The following RHOBTB2 variants were observed in gnomAD, a reference collection of about 807,000 sequenced individuals.
The protein encoded by RHOBTB2 is rho-related BTB domain-containing protein 2.
Under a neutral mutation model 66.5 loss-of-function variants are expected in RHOBTB2, and 39 were observed. The observed-to-expected ratio is 0.59, with a 90% CI of 0.45 to 0.77. The LOEUF is 0.77. Ranked by LOEUF, RHOBTB2 falls within the 30% of genes least tolerant of loss-of-function variation. The pLI is 0.00. For synonymous variants in RHOBTB2, 390 were observed against 395.0 expected (o/e 0.99, Z 0.15); for missense variants, 755 against 999.1 (o/e 0.76, Z 3.29).
intron 7 of RHOBTB2, among the ~76,000 whole-genome samples, 197 bp downstream of exon 7, chr8:23,010,885 T>C (rs983382034): frequency 8.5e-5 from 13 of 152,198 alleles, no homozygotes; most frequent in African/African-American, 3.1e-4. Flanking sequence ...CGGGGCATGT[T>C]TGATGGGGTC....
At chr8:22,959,185 G>A in the RHOBTB2 span, among the ~76,000 whole-genome samples, 1 of 152,152 alleles carries the variant, frequency 6.6e-6, no homozygotes, top group Non-Finnish European at 1.5e-5. Flanking sequence ...CACTACCCCA[G>A]CCACAGACCC....
At chr8:23,013,923 C>A (rs796546783) in intron 7 of RHOBTB2, among the ~76,000 whole-genome samples, 14 of 152,326 alleles carry the variant, frequency 9.2e-5, no homozygotes, top group African/African-American at 3.4e-4. Flanking sequence ...CAGAGTCTTA[C>A]GAGCTTCCTC....
Position 23,007,009 on chromosome 8 carries a change from G to A in RHOBTB2, c.764G>A (p.Cys255Tyr), listed in dbSNP as rs1264724097. Residue 255 changes from cysteine to tyrosine, a missense_variant, in exon 5 of 10, where the codon TGC becomes TAC. Cys to Tyr is a radical substitution (Grantham distance 194). Coordinates refer to ENST00000251822, the MANE Select transcript of RHOBTB2 (RefSeq NM_015178.3). ...GACCCTCCCTCCAGCAGCGAGGAGT[G>A]CCCCGCCCACCTCCTGGAGGACCCG... ...VPDPPSSSEE[C>Y]PAHLLEDPLC... is the part of the protein sequence containing the mutation. 3.1e-6 allele frequency: 5 copies of A among 1,608,716 alleles called. No homozygotes were observed.
chr8:22,961,411 G>GCTGC, the RHOBTB2 span, among the ~76,000 whole-genome samples: 6 of 152,018 alleles, frequency 3.9e-5, no homozygotes, highest in East Asian at 1.9e-4. Context: ...TTCTATAAAT[G>GCTGC]CTGCCTGCCT....
At chr8:23,001,650 C>T (rs1810786666) in intron 1 of RHOBTB2, among the ~76,000 whole-genome samples, 1 of 152,156 alleles carries the variant, frequency 6.6e-6, no homozygotes, top group East Asian at 1.9e-4. Flanking sequence ...ACAAATTAAC[C>T]ACGGTTCAGG....
At position 23,015,660 on chromosome 8, in the gene RHOBTB2, C is replaced by T. The variant is rs781693649; in HGVS notation, c.1883C>T (p.Ala628Val). 2 of 1,613,548 alleles carry T rather than the reference C, an allele frequency of 1.2e-6. No individual in the cohort carries two copies. The highest frequency in any genetic ancestry group is 1.1e-5 in the South Asian group (1 of 91,048). ...CAGTTCCACTGTGCGTACCAGCTGG[C>T]CGACTGGTGTCTCCACCACATCTGC... ...LAQFHCAYQL[A>V]DWCLHHICTN... The change falls in exon 9 of 10, where the codon GCC (alanine) becomes GTC (valine). Residue 628 changes from alanine to valine, a missense_variant. This residue lies in a region of RHOBTB2 where 353 missense variants were observed against 458.2 expected (regional missense o/e 0.77). Transcript: ENST00000251822.
chr8:23,007,093 T>C lies in RHOBTB2; in HGVS notation c.848T>C (p.Ile283Thr). 2 of 1,611,134 alleles carry C rather than the reference T, an allele frequency of 1.2e-6. No individual in the cohort carries two copies. The highest frequency in any genetic ancestry group is 1.7e-6 in the Non-Finnish European group (2 of 1,179,846). The change falls in exon 5 of 10, where the codon ATC becomes ACC. Residue 283 changes from isoleucine (I) to threonine (T), a missense_variant. By Grantham distance (89) the Ile-to-Thr change is moderately conservative (BLOSUM62 -1). Around this residue, in one of 7 missense-constraint regions of RHOBTB2, gnomAD observed 247 missense variants for 238.9 expected, o/e 1.03. Coordinates refer to ENST00000251822, the MANE Select transcript of RHOBTB2 (RefSeq NM_015178.3). ...QERVRIFAHKIYLSTSSSKFY... is the reference protein window; with the variant it reads ...QERVRIFAHKTYLSTSSSKFY... ...CGGGTGCGCATCTTTGCCCACAAGATCTACCTCTCCACCTCTTCCTCCAAG... is the reference window on the plus strand; with the variant it reads ...CGGGTGCGCATCTTTGCCCACAAGACCTACCTCTCCACCTCTTCCTCCAAG...
chr8:22,996,499 GTGTGTGT>G (rs1810562610), upstream of RHOBTB2, among the ~76,000 whole-genome samples: 2 of 692 alleles, frequency 2.9e-3, no homozygotes, highest in African/African-American at 8.9e-3. Context: ...GAGGGCTGGT[GTGTGTGT>G]GTGTGTGTGT....
chr8:23,006,967 C>T lies in RHOBTB2; in HGVS notation c.722C>T (p.Pro241Leu), dbSNP rs762088543. The change falls in exon 5 of 10, where the codon CCG becomes CTG. Residue 241 changes from proline (P) to leucine (L), a missense_variant. Around this residue, in one of 7 missense-constraint regions of RHOBTB2, gnomAD observed 247 missense variants for 238.9 expected, o/e 1.03. Coordinates refer to ENST00000251822, the MANE Select transcript of RHOBTB2 (RefSeq NM_015178.3). This position sits in a 1 kb window ranked among gnomAD's most constrained non-coding sequence, Gnocchi z 6.1. ...APFLPPKPPPPIIVVPDPPSS... is the reference protein window; with the variant it reads ...APFLPPKPPPLIIVVPDPPSS... ...TTCCTACCCCCCAAGCCACCGCCCC[C>T]GATCATCGTGGTGCCCGACCCTCCC... The T allele has an allele frequency of 2.5e-6, 4 of 1,611,518 alleles. No individual in the cohort carries two copies. The highest frequency in any genetic ancestry group is 4.5e-5 in the East Asian group (2 of 44,884).
At chr8:22,961,085 G>C in the RHOBTB2 span, among the ~76,000 whole-genome samples, 1 of 152,028 alleles carries the variant, frequency 6.6e-6, no homozygotes, top group South Asian at 2.1e-4. Context: ...GTTTTTTGTA[G>C]AGAAGGGTGT....
At chr8:22,960,580 A>G in the RHOBTB2 span, among the ~76,000 whole-genome samples, 1 of 152,098 alleles carries the variant, frequency 6.6e-6, no homozygotes. Flanking sequence ...CAGCCTCCCA[A>G]AGTGCTGGGA....
chr8:22,971,399 G>C, the RHOBTB2 span, among the ~76,000 whole-genome samples: 1 of 151,050 alleles, frequency 6.6e-6, no homozygotes, highest in African/African-American at 2.4e-5. Flanking sequence ...TGCCCAGGCT[G>C]GTCTCGAACT....
the RHOBTB2 span, among the ~76,000 whole-genome samples, chr8:22,956,808 G>A: frequency 1.3e-5 from 2 of 152,128 alleles, no homozygotes; most frequent in Non-Finnish European, 2.9e-5. Context: ...TTATAGGCAT[G>A]CACCACCATG....
At chr8:23,001,062 T>C (rs779292636) in intron 1 of RHOBTB2, among the ~76,000 whole-genome samples, 31 of 152,140 alleles carry the variant, frequency 2.0e-4, no homozygotes, top group Non-Finnish European at 1.6e-4. Flanking sequence ...CCTTGGGTTT[T>C]GGCTTGCACC....
At chr8:22,994,485 T>G (rs1184129393) in intron 2 of RHOBTB2, 6 of 858,542 alleles carry the variant, frequency 7.0e-6, no homozygotes, top group Non-Finnish European at 9.4e-6. Flanking sequence ...CTTGGAGTAA[T>G]TCGCGGTGTG....
the RHOBTB2 span, among the ~76,000 whole-genome samples, chr8:22,976,228 G>T: frequency 6.6e-6 from 1 of 152,146 alleles, no homozygotes; most frequent in African/African-American, 2.4e-5. Flanking sequence ...AAGGGTCAAA[G>T]CTGTAAAGTC....
chr8:22,996,553 G>GTGTGTGTGTC, upstream of RHOBTB2, among the ~76,000 whole-genome samples: 1 of 120,884 alleles, frequency 8.3e-6, no homozygotes, highest in Middle Eastern at 4.4e-3. Flanking sequence ...GTGTGTGTGT[G>GTGTGTGTGTC]TGTGTGTGTG....
Position 23,015,720 on chromosome 8 carries a change from G to A in RHOBTB2, c.1943G>A (p.Arg648Gln), listed in dbSNP as rs545270022. ...AACAACGTGTGCCGCAAGTTCCCCC[G>A]AGACATGAAGGCCATGTCCCCAGGT... Reference protein sequence around the residue: ...NYNNVCRKFPRDMKAMSPENQ... With the variant: ...NYNNVCRKFPQDMKAMSPENQ... Residue 648 changes from arginine (R) to glutamine (Q), a missense_variant, in exon 9 of 10, where the codon CGA (arginine) becomes CAA (glutamine). Arg to Gln is a conservative substitution (Grantham distance 43, BLOSUM62 1). Coordinates refer to ENST00000251822, the MANE Select transcript of RHOBTB2 (RefSeq NM_015178.3). 6.8e-6 allele frequency: 11 copies of A among 1,613,570 alleles called. No individual in the cohort carries two copies. The highest frequency in any genetic ancestry group is 2.2e-5 in the East Asian group (1 of 44,872).
chr8:23,010,654 C>G lies in RHOBTB2; in HGVS notation c.1737C>G (p.Asn579Lys), dbSNP rs750133948. The change falls in exon 7 of 10, where the codon AAC becomes AAG. Residue 579 changes from asparagine to lysine, a missense_variant. By Grantham distance (94) the Asn-to-Lys change is moderately conservative (BLOSUM62 0). Coordinates refer to ENST00000251822, the MANE Select transcript of RHOBTB2 (RefSeq NM_015178.3). ...ACATGAAGCTCATCATTCTAGCCAA[C>G]CGCCTCTGCCTGCCACACCTGGTTG... is the stretch of plus-strand genomic sequence containing the variant. ...LDDMKLIILA[N>K]RLCLPHLVAL... is the part of the protein sequence containing the mutation. The G allele has an allele frequency of 1.9e-6, 3 of 1,614,096 alleles. No individual in the cohort carries two copies.
Sources: gnomAD v4.1 joint callset for allele counts (sites outside exome capture counted in the v4.1 genomes callset) on GRCh38, gnomAD v4.1.1 for gene constraint, gnomAD v4.1.1 regional missense constraint, Gnocchi (gnomAD v3.1) non-coding constraint, MANE v1.5 for transcripts, NCBI Gene and HGNC (gene_info 2026-07-23, HGNC 2026-07-21) for gene names.